The following DYNC2H1 variants were observed in gnomAD, a reference collection of about 807,000 sequenced individuals.
DYNC2H1 encodes cytoplasmic dynein 2 heavy chain 1.
DYNC2H1 carries 410 observed loss-of-function variants against 570.0 expected under a neutral mutation model. The observed-to-expected ratio is 0.72, with a 90% CI of 0.66 to 0.78. The LOEUF is 0.78. Ranked by LOEUF, DYNC2H1 falls within the 30% of genes least tolerant of loss-of-function variation. The pLI is 0.00. For missense variants in DYNC2H1, 4,865 were observed against 5,046.4 expected (o/e 0.96, Z 1.09); for synonymous variants, 1,688 against 1,677.6 (o/e 1.01, Z -0.15).
intron 82 of DYNC2H1, among the ~76,000 whole-genome samples, chr11:103,346,489 T>C (rs1216265818): frequency 6.6e-6 from 1 of 152,228 alleles, no homozygotes; most frequent in Non-Finnish European, 1.5e-5. Context: ...TGAATACTTT[T>C]CATATTTTGA....
At chr11:103,294,110 T>C (rs1023385925) in intron 75 of DYNC2H1, among the ~76,000 whole-genome samples, 1 of 152,330 alleles carries the variant, frequency 6.6e-6, no homozygotes, top group South Asian at 2.1e-4. Context: ...TGATTAATTC[T>C]CTGTGTTATC....
intron 18 of DYNC2H1, among the ~76,000 whole-genome samples, chr11:103,146,930 C>T (rs1005211677): frequency 1.1e-4 from 16 of 152,008 alleles, no homozygotes; most frequent in Admixed American, 2.6e-4. Flanking sequence ...ACTATTTCAT[C>T]GGTATTTTTC....
chr11:103,380,450 A>C (rs372029087), intron 83 of DYNC2H1, among the ~76,000 whole-genome samples: 34 of 152,318 alleles, frequency 2.2e-4, no homozygotes, highest in Middle Eastern at 6.8e-3. Flanking sequence ...TACACACACA[A>C]AAAAAGAGTA....
At chr11:103,327,790 T>C (rs949900677) in intron 82 of DYNC2H1, among the ~76,000 whole-genome samples, 4 of 152,190 alleles carry the variant, frequency 2.6e-5, no homozygotes, top group Non-Finnish European at 5.9e-5. Flanking sequence ...GTGGGGGTCA[T>C]CTTGGTACTG....
intron 84 of DYNC2H1, among the ~76,000 whole-genome samples, chr11:103,411,833 A>ATAT (rs1943102077): frequency 6.6e-6 from 1 of 152,148 alleles, no homozygotes; most frequent in Non-Finnish European, 1.5e-5. Context: ...AAAGTATTCT[A>ATAT]TATTATACTT....
intron 85 of DYNC2H1, among the ~76,000 whole-genome samples, chr11:103,452,042 T>C (rs1040069683): frequency 1.3e-5 from 2 of 152,144 alleles, no homozygotes; most frequent in Non-Finnish European, 2.9e-5. Flanking sequence ...TGTGAATTTT[T>C]TTCCTCCATT....
Position 103,217,954 on chromosome 11 carries a change from C to T in DYNC2H1, c.8833-1961C>T, listed in dbSNP as rs552809284. 1.6e-4 allele frequency among the ~76,000 whole-genome samples: 24 copies of T among 152,254 alleles called. No individual in the cohort carries two copies. In the Middle Eastern group the frequency reaches 0.017, roughly 108 times the overall value. On this transcript the variant is annotated intron_variant, in intron 55 of 88. Transcript: ENST00000375735. ...AAGACATATAAAGGGACAGTAAACA[C>T]ATGAAAATATGCTTAATTTCATGAT...
At position 103,203,527 on chromosome 11, in the gene DYNC2H1, T is replaced by G. The variant is rs1252331019; in HGVS notation, c.8198-136T>G. ...TCAAATGAGGGCTATAGATAAAGAT[T>G]TGTGAGTCAAGTAGAGGTAATAAAG... On this transcript the variant is annotated intron_variant, in intron 50 of 88. Transcript: ENST00000375735. The surrounding 1 kb of genome is among the most constrained non-coding windows in gnomAD (Gnocchi z 4.7). 1 of 588,990 alleles carries G rather than the reference T, an allele frequency of 1.7e-6. No homozygotes were observed. The highest frequency in any genetic ancestry group is 2.9e-6 in the Non-Finnish European group (1 of 345,726). 36.5% of individuals were successfully genotyped at this position (588,990 alleles called of 1,614,324 possible). A position where few individuals can be genotyped will look rare whatever the true frequency, so the allele number is the denominator to read the frequency against.
chr11:103,423,293 C>T (rs949791112), intron 84 of DYNC2H1, among the ~76,000 whole-genome samples: 15 of 150,712 alleles, frequency 1.0e-4, no homozygotes, highest in Non-Finnish European at 2.2e-4. Flanking sequence ...CCAGATAGAC[C>T]CCGAAATATA....
rs766816050 is a variant in DYNC2H1, at chr11:103,455,192, GTAGA to G, written c.12466_12469del (p.Asp4156LysfsTer45). On this transcript the variant is annotated frameshift_variant, in exon 86 of 89. Transcript: ENST00000375735. LOFTEE classifies it high-confidence loss of function. Reference sequence around the variant, plus strand: ...CATATTTCCCCCCCTCTAGAACTGGGTAGATAAAGCTGAAAAACAGGCTCTTCTC... The same window carrying G: ...CATATTTCCCCCCCTCTAGAACTGGGTAAAGCTGAAAAACAGGCTCTTCTC... 21 of 1,612,686 alleles carry G rather than the reference GTAGA, an allele frequency of 1.3e-5. No individual in the cohort carries two copies. Among genetic ancestry groups the G allele is most frequent in the Non-Finnish European group, 1.6e-5 (19 of 1,179,110 alleles).
rs1865079919 is a variant in DYNC2H1, at chr11:103,256,924, G to A, written c.10461+684G>A. Among the ~76,000 whole-genome samples the A allele has an allele frequency of 6.6e-6, 1 of 152,224 alleles. No individual in the cohort carries two copies. Among genetic ancestry groups the A allele is most frequent in the South Asian group, 2.1e-4 (1 of 4,812 alleles). On this transcript the variant is annotated intron_variant, in intron 68 of 88. Coordinates refer to ENST00000375735, the MANE Select transcript of DYNC2H1 (RefSeq NM_001377.3). The surrounding 1 kb of genome is among the most constrained non-coding windows in gnomAD (Gnocchi z 4.0). ...TCTTACCCACTTTCCCCTAATACTA[G>A]TGCTGTTGGTCCTCATTAAGACCAA...
chr11:103,143,757 T>A (rs965872098), intron 18 of DYNC2H1, among the ~76,000 whole-genome samples: 1 of 152,174 alleles, frequency 6.6e-6, no homozygotes, highest in Non-Finnish European at 1.5e-5. Flanking sequence ...GCTTTTGTAC[T>A]GCTCTGCTTC....
intron 59 of DYNC2H1, among the ~76,000 whole-genome samples, chr11:103,227,144 T>G (rs571349815): frequency 6.6e-6 from 1 of 152,248 alleles, no homozygotes; most frequent in African/African-American, 2.4e-5. Flanking sequence ...ACTTTTTGTT[T>G]CATTTATCTT....
intron 84 of DYNC2H1, among the ~76,000 whole-genome samples, chr11:103,432,630 A>G (rs1943932934): frequency 6.6e-6 from 1 of 151,932 alleles, no homozygotes; most frequent in Non-Finnish European, 1.5e-5. Flanking sequence ...GTCTAAAATA[A>G]CCATAAACAG....
intron 83 of DYNC2H1, among the ~76,000 whole-genome samples, chr11:103,373,123 T>C (rs574976943): frequency 2.6e-5 from 4 of 152,214 alleles, no homozygotes; most frequent in South Asian, 2.1e-4. Flanking sequence ...TTTGTAGAGA[T>C]AGGGTTTTTC....
chr11:103,208,844 A>T (rs1178074076), intron 52 of DYNC2H1, among the ~76,000 whole-genome samples: 2 of 152,174 alleles, frequency 1.3e-5, no homozygotes, highest in Non-Finnish European at 2.9e-5. Context: ...ACTCTTTAAA[A>T]AGTACCATTT....
At chr11:103,459,277 C>CCAG (rs199841508) in intron 87 of DYNC2H1, among the ~76,000 whole-genome samples, 20,355 of 127,412 alleles carry the variant, frequency 0.16, 1,803 homozygotes, top group Admixed American at 0.26. Flanking sequence ...CCACTGCACT[C>CCAG]CAGCCTGGGC....
At chr11:103,418,294 A>ATTTAGAG (rs1237807634) in intron 84 of DYNC2H1, among the ~76,000 whole-genome samples, 2 of 152,198 alleles carry the variant, frequency 1.3e-5, no homozygotes, top group African/African-American at 4.8e-5. Flanking sequence ...TACAAAAAAG[A>ATTTAGAG]TTTAGAGCTA....
At chr11:103,380,624 G>A (rs1041400529) in intron 83 of DYNC2H1, among the ~76,000 whole-genome samples, 3 of 152,074 alleles carry the variant, frequency 2.0e-5, no homozygotes, top group Non-Finnish European at 2.9e-5. Flanking sequence ...ACAGTGGTGC[G>A]ATCTCAGCTC....
Sources: gnomAD v4.1 joint callset for allele counts (sites outside exome capture counted in the v4.1 genomes callset) on GRCh38, gnomAD v4.1.1 for gene constraint, Gnocchi (gnomAD v3.1) non-coding constraint, MANE v1.5 for transcripts, NCBI Gene and HGNC (gene_info 2026-07-23, HGNC 2026-07-21) for gene names.